PCNX1: variants seen among roughly 807,000 people sequenced by gnomAD.
PCNX1 encodes the protein pecanex-like protein 1.
Under a neutral mutation model 242.2 loss-of-function variants are expected in PCNX1, and 78 were observed. That is an observed-to-expected ratio of 0.32 (90% CI 0.27 to 0.39). PCNX1 has a LOEUF of 0.39. Ranked by LOEUF, PCNX1 falls within the 10% of genes least tolerant of loss-of-function variation. The probability of loss-of-function intolerance (pLI) is 1.00; values close to 1 mark genes in which losing one functional copy is unlikely to be tolerated. For missense variants in PCNX1, 2,581 were observed against 2,856.5 expected (o/e 0.90, Z 2.20); for synonymous variants, 1,024 against 1,032.9 (o/e 0.99, Z 0.17).
chr14:70,966,465 G>A (rs1392061511), intron 3 of PCNX1, among the ~76,000 whole-genome samples: 3 of 152,194 alleles, frequency 2.0e-5, no homozygotes, highest in Non-Finnish European at 2.9e-5. Flanking sequence ...GAAGCAAGCA[G>A]TAGTGTGGGA....
chr14:71,089,413 G>T, intron 30 of PCNX1, 71 bp downstream of exon 30: 1 of 1,168,522 alleles, frequency 8.6e-7, no homozygotes, highest in Non-Finnish European at 1.2e-6. Context: ...TTCAATATTA[G>T]TCCATTCTCA....
At chr14:70,984,779 C>G (rs2058949745) in intron 6 of PCNX1, among the ~76,000 whole-genome samples, 1 of 152,146 alleles carries the variant, frequency 6.6e-6, no homozygotes. Context: ...TACCTCCTAC[C>G]TCATTAAATT....
chr14:70,994,423 A>C (rs201417850), intron 7 of PCNX1, among the ~76,000 whole-genome samples: 2 of 98,540 alleles, frequency 2.0e-5, no homozygotes, highest in South Asian at 6.8e-4. Context: ...ATATATATAT[A>C]TATATATGTA....
In PCNX1 at chr14:70,924,982, GT is replaced by G. The variant is rs34543671; in HGVS notation, c.153+16992del. Among the ~76,000 whole-genome samples, 201 of 144,060 alleles carry G rather than the reference GT, an allele frequency of 1.4e-3. 1 individual carries two copies. The highest frequency in any genetic ancestry group is 3.0e-3 in the African/African-American group (118 of 39,556). 94.5% of individuals were successfully genotyped at this position (144,060 alleles called of 152,430 possible). A position where few individuals can be genotyped will look rare whatever the true frequency, so the allele number is the denominator to read the frequency against. The stretch of plus-strand genomic sequence containing the variant: ...TTGTAAATAACAGTTTTCACATCTG[GT>G]TTTTTTTTTTTTAATTTTTTATTGA... On this transcript the variant is annotated intron_variant, in intron 1 of 35. Transcript: ENST00000304743.
intron 2 of PCNX1, among the ~76,000 whole-genome samples, chr14:70,951,413 G>C (rs2057772990): frequency 6.6e-6 from 1 of 152,032 alleles, no homozygotes; most frequent in South Asian, 2.1e-4. Flanking sequence ...GTCTTGCTCT[G>C]TTGCCCAGAC....
In PCNX1 at chr14:70,991,291, G is replaced by A. The variant is rs537132559; in HGVS notation, c.2444+2592G>A. 2.1e-3 allele frequency among the ~76,000 whole-genome samples: 298 copies of A among 143,846 alleles called. 2 individuals are homozygous for A. The highest frequency in any genetic ancestry group is 7.5e-3 in the African/African-American group (293 of 38,818). The allele number at this position is 143,846 out of a possible 152,430, so 94.4% of individuals were successfully genotyped here. A position where few individuals can be genotyped will look rare whatever the true frequency, so the allele number is the denominator to read the frequency against. ...GCGATCTCGGCTCACTGCAACCTCC[G>A]CCTCCTGGGTTCAAGCCATTCTCCT... On this transcript the variant is annotated intron_variant, in intron 7 of 35. Transcript: ENST00000304743.
At chr14:71,057,446 C>T in intron 25 of PCNX1, 63 bp from the exon 26 acceptor site, 1 of 1,016,658 alleles carries the variant, frequency 9.8e-7, no homozygotes. Context: ...ATATTTTTAA[C>T]AATCTTGTTT....
intron 2 of PCNX1, among the ~76,000 whole-genome samples, chr14:70,950,699 A>C (rs891708478): frequency 7.9e-5 from 12 of 152,060 alleles, no homozygotes; most frequent in African/African-American, 2.9e-4. Context: ...ATGTAAATAA[A>C]TTATTGTTTA....
At chr14:70,931,846 A>G (rs1054873250) in intron 1 of PCNX1, among the ~76,000 whole-genome samples, 3 of 152,212 alleles carry the variant, frequency 2.0e-5, no homozygotes, top group African/African-American at 7.2e-5. Flanking sequence ...ATCTAGGGCC[A>G]GGCACGGTGG....
chr14:70,947,020 G>A lies in PCNX1; in HGVS notation c.259G>A (p.Ala87Thr). 1 of 1,613,924 alleles carries A rather than the reference G, an allele frequency of 6.2e-7. No individual in the cohort carries two copies. Among genetic ancestry groups the A allele is most frequent in the Non-Finnish European group, 8.5e-7 (1 of 1,179,908 alleles). The change falls in exon 2 of 36, where the codon GCT becomes ACT. Residue 87 changes from alanine to threonine, a missense_variant. Ala to Thr is a moderately conservative substitution (Grantham distance 58, BLOSUM62 0). Transcript: ENST00000304743. ...VNYRLHRALD[A>T]GEVVDRTANE... Reference sequence around the variant, plus strand: ...CTATCGACTACACAGAGCACTTGATGCTGGAGAAGTTGTAGATAGGACTGC... The same window carrying A: ...CTATCGACTACACAGAGCACTTGATACTGGAGAAGTTGTAGATAGGACTGC...
At chr14:71,040,047 A>C (rs1366183207) in intron 19 of PCNX1, among the ~76,000 whole-genome samples, 1 of 152,052 alleles carries the variant, frequency 6.6e-6, no homozygotes, top group African/African-American at 2.4e-5. Context: ...CCTGAGCTCA[A>C]GTGATCCTCC....
At chr14:70,953,843 T>G (rs1396590566) in intron 2 of PCNX1, among the ~76,000 whole-genome samples, 5 of 151,920 alleles carry the variant, frequency 3.3e-5, no homozygotes, top group South Asian at 4.2e-4. Context: ...TAATTTTGTA[T>G]TTTTAGTAGA....
chr14:70,962,212 T>G lies in PCNX1; in HGVS notation c.363-14T>G, dbSNP rs1435839946. 6 of 1,504,704 alleles carry G rather than the reference T, an allele frequency of 4.0e-6. No individual in the cohort carries two copies. The highest frequency in any genetic ancestry group is 4.6e-6 in the Non-Finnish European group (5 of 1,080,514). 93.2% of individuals were successfully genotyped at this position (1,504,704 alleles called of 1,614,324 possible). Reference sequence around the variant, plus strand: ...TAATGACAGTTACTCTTTTTCTCATTTTTTTCTCCACAGTGATCCTGGTGG... The same window carrying G: ...TAATGACAGTTACTCTTTTTCTCATGTTTTTCTCCACAGTGATCCTGGTGG... On this transcript the variant is annotated splice_polypyrimidine_tract_variant and intron_variant, in intron 2 of 35. Coordinates refer to ENST00000304743, the MANE Select transcript of PCNX1 (RefSeq NM_014982.3).
rs2062787874 is a variant in PCNX1 at position 71,113,249 on chromosome 14, A to G, written c.*3314A>G. On this transcript the variant is annotated 3_prime_UTR_variant, in exon 36 of 36. Coordinates refer to ENST00000304743, the MANE Select transcript of PCNX1 (RefSeq NM_014982.3). ...TGGAGGATGATAATCTATTTCTATT[A>G]GATTCGAAGTATTTTGGAAAATATT... The G allele has an allele frequency of 6.6e-6, 1 of 152,222 alleles. No individual in the cohort carries two copies. The highest frequency in any genetic ancestry group is 2.4e-5 in the African/African-American group (1 of 41,450). The allele number at this position is 152,222 out of a possible 1,614,324, so 9.4% of individuals were successfully genotyped here.
chr14:71,101,336 A>G (rs2062455714), intron 30 of PCNX1, among the ~76,000 whole-genome samples: 2 of 152,186 alleles, frequency 1.3e-5, no homozygotes, highest in South Asian at 2.1e-4. Context: ...GATACATTTC[A>G]TATCTTCTTT....
intron 28 of PCNX1, among the ~76,000 whole-genome samples, chr14:71,082,199 T>G (rs1022363068): frequency 2.0e-5 from 3 of 152,202 alleles, no homozygotes; most frequent in Non-Finnish European, 4.4e-5. Flanking sequence ...GAGTTCTAAT[T>G]TGATTGCACT....
intron 1 of PCNX1, among the ~76,000 whole-genome samples, chr14:70,923,932 T>A (rs942436929): frequency 6.6e-6 from 1 of 152,092 alleles, no homozygotes; most frequent in Non-Finnish European, 1.5e-5. Flanking sequence ...TTCTGCAGTT[T>A]TGAAAGATAC....
At chr14:70,980,606 A>T (rs1006914871) in intron 6 of PCNX1, among the ~76,000 whole-genome samples, 1 of 152,240 alleles carries the variant, frequency 6.6e-6, no homozygotes, top group South Asian at 2.1e-4. Flanking sequence ...ATAACTAAAT[A>T]TAGGGGTTTT....
intron 1 of PCNX1, among the ~76,000 whole-genome samples, chr14:70,932,429 T>A (rs1045839771): frequency 1.3e-5 from 2 of 152,070 alleles, no homozygotes; most frequent in Non-Finnish European, 2.9e-5. Flanking sequence ...TTTCTTACAA[T>A]TAATCTACCT....
Sources: allele counts gnomAD v4.1 joint callset (sites outside exome capture counted in the v4.1 genomes callset), GRCh38; gene constraint gnomAD v4.1.1; transcripts MANE v1.5; gene names NCBI Gene and HGNC (gene_info 2026-07-23, HGNC 2026-07-21).